Variants in ZFPM2 observed in about 807,000 individuals in gnomAD.
The protein encoded by ZFPM2 is zinc finger protein ZFPM2.
ZFPM2 carries 20 observed loss-of-function variants against 98.6 expected under a neutral mutation model. That is an observed-to-expected ratio of 0.20 (90% confidence interval 0.14 to 0.29). ZFPM2 has a LOEUF of 0.29. Among genes scored for constraint, ZFPM2 ranks in the 10% least tolerant of loss-of-function variants. The pLI is 1.00. For synonymous variants in ZFPM2, 518 were observed against 502.7 expected (o/e 1.03, Z -0.41); for missense variants, 1,310 against 1,388.6 (o/e 0.94, Z 0.90).
intron 1 of ZFPM2, among the ~76,000 whole-genome samples, chr8:105,347,432 A>T (rs2129693898): frequency 6.6e-6 from 1 of 152,336 alleles, no homozygotes; most frequent in African/African-American, 2.4e-5. Context: ...TTAATGTGAA[A>T]AATAAATGCA....
At chr8:105,493,439 C>T (rs1813395716) in intron 3 of ZFPM2, among the ~76,000 whole-genome samples, 1 of 152,182 alleles carries the variant, frequency 6.6e-6, no homozygotes, top group Non-Finnish European at 1.5e-5. Context: ...ATTTTTTACA[C>T]TTTATGCCTT....
At chr8:105,706,730 C>G (rs1811272256) in intron 5 of ZFPM2, among the ~76,000 whole-genome samples, 1 of 152,040 alleles carries the variant, frequency 6.6e-6, no homozygotes, top group Admixed American at 6.6e-5. Context: ...CAGGTGTGCA[C>G]CACCATGTCT....
At chr8:105,752,124 T>TA (rs939030395) in intron 5 of ZFPM2, among the ~76,000 whole-genome samples, 4 of 152,188 alleles carry the variant, frequency 2.6e-5, no homozygotes, top group East Asian at 1.9e-4. Context: ...ATTTGAATCA[T>TA]AAAAAAATGC....
intron 5 of ZFPM2, among the ~76,000 whole-genome samples, chr8:105,775,706 A>T (rs1867041): frequency 6.6e-6 from 1 of 152,170 alleles, no homozygotes; most frequent in African/African-American, 2.4e-5. Flanking sequence ...ATTTAAAATC[A>T]TGTTGGTCAG....
chr8:105,412,226 T>A (rs1811590989), intron 1 of ZFPM2, among the ~76,000 whole-genome samples: 1 of 151,874 alleles, frequency 6.6e-6, no homozygotes. Flanking sequence ...CCCTTCATTT[T>A]TCAATGGTGT....
chr8:105,359,564 T>C (rs1354863522), intron 1 of ZFPM2, among the ~76,000 whole-genome samples: 10 of 151,866 alleles, frequency 6.6e-5, no homozygotes, highest in Admixed American at 6.6e-5. Context: ...TTAGTAGAGA[T>C]GGGGTTTCAC....
chr8:105,473,459 T>C (rs1282670030), intron 3 of ZFPM2, among the ~76,000 whole-genome samples: 1 of 152,212 alleles, frequency 6.6e-6, no homozygotes, highest in Non-Finnish European at 1.5e-5. Flanking sequence ...ACCTCTTTAT[T>C]TACATAGTAA....
chr8:105,405,969 A>G (rs1360228625), intron 1 of ZFPM2, among the ~76,000 whole-genome samples: 13 of 152,254 alleles, frequency 8.5e-5, no homozygotes, highest in Admixed American at 2.0e-4. Flanking sequence ...AATGATCGCC[A>G]TTCTGACTGG....
At chr8:105,777,482 C>T (rs1348602182) in intron 5 of ZFPM2, among the ~76,000 whole-genome samples, 1 of 152,160 alleles carries the variant, frequency 6.6e-6, no homozygotes, top group Non-Finnish European at 1.5e-5. Flanking sequence ...TCCAGAGTTG[C>T]TGGTCAGGTC....
intron 4 of ZFPM2, among the ~76,000 whole-genome samples, chr8:105,630,319 T>C (rs1816733449): frequency 6.6e-6 from 1 of 151,774 alleles, no homozygotes; most frequent in Non-Finnish European, 1.5e-5. Context: ...GTAGATTTCA[T>C]ATAATCCTGG....
intron 3 of ZFPM2, among the ~76,000 whole-genome samples, chr8:105,479,275 C>T (rs547313243): frequency 4.6e-5 from 7 of 152,258 alleles, no homozygotes; most frequent in Non-Finnish European, 1.0e-4. Context: ...TTTTATTTCC[C>T]GCTTACTATC....
At chr8:105,431,070 A>AT (rs923774984) in intron 2 of ZFPM2, among the ~76,000 whole-genome samples, 24 of 150,384 alleles carry the variant, frequency 1.6e-4, no homozygotes, top group South Asian at 4.2e-4. Context: ...TGCCTGGATA[A>AT]TTTTTTTTTG....
At chr8:105,451,028 C>A (rs1410250404) in intron 3 of ZFPM2, among the ~76,000 whole-genome samples, 1 of 151,870 alleles carries the variant, frequency 6.6e-6, no homozygotes, top group South Asian at 2.1e-4. Flanking sequence ...CAGCTAATGT[C>A]TTTGATTCAC....
At chr8:105,553,888 C>T (rs1303771689) in intron 3 of ZFPM2, among the ~76,000 whole-genome samples, 1 of 151,996 alleles carries the variant, frequency 6.6e-6, no homozygotes, top group African/African-American at 2.4e-5. Flanking sequence ...GTTCATGCGC[C>T]GGATAAGGTC....
intron 1 of ZFPM2, among the ~76,000 whole-genome samples, chr8:105,336,008 A>C (rs528240493): frequency 6.6e-6 from 1 of 151,968 alleles, no homozygotes; most frequent in Non-Finnish European, 1.5e-5. Context: ...TTACATTGCA[A>C]AATGCAGTGG....
At chr8:105,525,493 C>T (rs1814155928) in intron 3 of ZFPM2, among the ~76,000 whole-genome samples, 1 of 152,132 alleles carries the variant, frequency 6.6e-6, no homozygotes, top group South Asian at 2.1e-4. Flanking sequence ...AGTGATTTGA[C>T]AGAAGAGATT....
At chr8:105,331,444 T>C (rs1030216238) in intron 1 of ZFPM2, among the ~76,000 whole-genome samples, 2 of 151,608 alleles carry the variant, frequency 1.3e-5, no homozygotes, top group African/African-American at 2.4e-5. Context: ...GGTTCCGGTA[T>C]GGGATGTTAC....
At chr8:105,464,430 G>A (rs1466306896) in intron 3 of ZFPM2, among the ~76,000 whole-genome samples, 1 of 151,944 alleles carries the variant, frequency 6.6e-6, no homozygotes, top group Non-Finnish European at 1.5e-5. Flanking sequence ...TCAATAGGGA[G>A]CTCTTAAAAA....
intron 3 of ZFPM2, among the ~76,000 whole-genome samples, chr8:105,524,324 C>A (rs1237029088): frequency 1.3e-5 from 2 of 151,856 alleles, no homozygotes; most frequent in African/African-American, 4.9e-5. Flanking sequence ...TTAGTACCAA[C>A]ATTTTTTCTC....
Sources: allele counts gnomAD v4.1 joint callset (sites outside exome capture counted in the v4.1 genomes callset), GRCh38; gene constraint gnomAD v4.1.1; transcripts MANE v1.5; gene names NCBI Gene and HGNC (gene_info 2026-07-23, HGNC 2026-07-21).